Variants in CYB5R2 observed in about 807,000 individuals in gnomAD.
CYB5R2 encodes cytochrome b5 reductase 2.
In CYB5R2, 35 loss-of-function variants were observed where a neutral mutation model predicts 29.8. The ratio of observed to expected loss-of-function variants is 1.17; its 90% CI spans 0.90 to 1.56. CYB5R2 has a LOEUF of 1.56. Ranked by LOEUF, CYB5R2 falls within the 40% of genes most tolerant of loss-of-function variation. The pLI, the probability that CYB5R2 is intolerant of heterozygous loss-of-function variation, is 0.00. For missense variants in CYB5R2, 419 were observed against 346.7 expected (o/e 1.21, Z -1.66); for synonymous variants, 169 against 130.6 (o/e 1.29, Z -2.01).
At chr11:7,668,753 A>G in intron 5 of CYB5R2, 192 bp from the exon 6 acceptor site, 6 of 629,428 alleles carry the variant, frequency 9.5e-6, no homozygotes, top group Non-Finnish European at 2.8e-6. Flanking sequence ...AAGTGGGAAT[A>G]GAGCCTGGGC....
rs1162486135 is a variant in CYB5R2, at chr11:7,672,492, A to G, written c.110T>C (p.Phe37Ser). Residue 37 changes from phenylalanine (F) to serine (S), a missense_variant, in exon 3 of 9, where the codon TTT (phenylalanine) becomes TCT (serine). Physicochemically the swap from Phe to Ser is radical, Grantham distance 155. Transcript: ENST00000299498. Reference sequence around the variant, plus strand: ...GACATGGTCCGGCGAAGGCAGTCCAAAGCGGAACCTCCGGGTGTTGTGGCT... The same window carrying G: ...GACATGGTCCGGCGAAGGCAGTCCAGAGCGGAACCTCCGGGTGTTGTGGCT... ...KISHNTRRFR[F>S]GLPSPDHVLG... is the part of the protein sequence containing the mutation. 1.9e-6 allele frequency: 3 copies of G among 1,614,222 alleles called. No individual in the cohort carries two copies. Among genetic ancestry groups the G allele is most frequent in the Non-Finnish European group, 2.5e-6 (3 of 1,180,022 alleles).
Position 7,668,557 on chromosome 11 carries a change from A to T in CYB5R2, c.393T>A (p.Asn131Lys), listed in dbSNP as rs762966544. 2.5e-6 allele frequency: 4 copies of T among 1,612,708 alleles called. No individual in the cohort carries two copies. The highest frequency in any genetic ancestry group is 3.4e-6 in the Non-Finnish European group (4 of 1,178,874). Reference sequence around the variant, plus strand: ...TCGTCTGGTCTGGTCTGATTCCAAGATTCCCTGGAAACACAGAGAATGCTT... The same window carrying T: ...TCGTCTGGTCTGGTCTGATTCCAAGTTTCCCTGGAAACACAGAGAATGCTT... The part of the protein sequence containing the change: ...RGRLFYHGPG[N>K]LGIRPDQTSE... Residue 131 changes from asparagine (N) to lysine (K), a missense_variant, in exon 6 of 9, where the codon AAT becomes AAA. Physicochemically the swap from Asn to Lys is moderately conservative, Grantham distance 94. Transcript: ENST00000299498.
chr11:7,671,303 A>G (rs1420484011), intron 3 of CYB5R2: 1 of 152,354 alleles, frequency 6.6e-6, no homozygotes, highest in East Asian at 1.9e-4. Context: ...TTCAAGCCCC[A>G]TCTCTAACTT....
upstream of CYB5R2, chr11:7,673,597 C>T (rs1400854953): frequency 1.0e-6 from 1 of 985,364 alleles, no homozygotes; most frequent in Non-Finnish European, 1.2e-6. Flanking sequence ...CCCCAACCTC[C>T]CGGTCGGACG....
chr11:7,672,989 G>A (rs892186202), intron 1 of CYB5R2, 98 bp from the exon 2 acceptor site: 2 of 1,195,146 alleles, frequency 1.7e-6, no homozygotes, highest in Admixed American at 2.1e-5. Flanking sequence ...AAAGGCACAG[G>A]AGCTGAGCTC....
intron 8 of CYB5R2, chr11:7,665,800 G>C: frequency 5.3e-6 from 8 of 1,502,900 alleles, no homozygotes; most frequent in Non-Finnish European, 7.1e-6. Flanking sequence ...CAGCATTGAC[G>C]AGGAAGGAGA....
In CYB5R2 at chr11:7,665,929, C is replaced by A. The variant is rs112446452; in HGVS notation, c.659-383G>T. On this transcript the variant is annotated intron_variant, in intron 8 of 8. Coordinates refer to ENST00000299498, the MANE Select transcript of CYB5R2 (RefSeq NM_016229.5). Reference sequence around the variant, plus strand: ...TGCTCAGTAGGGTAGCGCCCTCTGCCGACCAGGGACCTGTATGACAAGCAG... The same window carrying A: ...TGCTCAGTAGGGTAGCGCCCTCTGCAGACCAGGGACCTGTATGACAAGCAG... 9.1e-6 allele frequency: 14 copies of A among 1,535,766 alleles called. No individual in the cohort carries two copies. The African/African-American group carries it at 1.5e-4, about 17-fold the overall frequency.
At chr11:7,669,779 TA>T in intron 3 of CYB5R2, 48 bp from the exon 4 acceptor site, 2 of 1,359,010 alleles carry the variant, frequency 1.5e-6, no homozygotes, top group Non-Finnish European at 2.1e-6. Flanking sequence ...TTAGCTTAAA[TA>T]AGGCCCAGGA....
chr11:7,669,056 A>G (rs1855548358), intron 5 of CYB5R2, 149 bp downstream of exon 5: 1 of 993,150 alleles, frequency 1.0e-6, no homozygotes, highest in East Asian at 2.5e-5. Flanking sequence ...TGAATGTGTA[A>G]CAAGTGTGAT....
intron 3 of CYB5R2, chr11:7,672,217 C>A: frequency 2.0e-6 from 1 of 507,828 alleles, no homozygotes; most frequent in Admixed American, 3.4e-5. Flanking sequence ...AGGTTCAGTT[C>A]TTTTCAATGC....
At chr11:7,673,612 T>G (rs957893847), upstream of CYB5R2, 22 of 985,356 alleles carry the variant, frequency 2.2e-5, no homozygotes, top group African/African-American at 3.7e-4. Flanking sequence ...CGGACGTTCG[T>G]TCCCGGCTCT....
At chr11:7,673,232 C>T (rs1565158559) in intron 1 of CYB5R2, 187 bp downstream of exon 1, 1 of 471,842 alleles carries the variant, frequency 2.1e-6, no homozygotes, top group South Asian at 3.1e-5. Context: ...AGGGGGAGGA[C>T]ATCACCCCTA....
chr11:7,672,968 C>T (rs1247902154), intron 1 of CYB5R2, 77 bp from the exon 2 acceptor site: 1 of 1,372,950 alleles, frequency 7.3e-7, no homozygotes, highest in Non-Finnish European at 1.0e-6. Flanking sequence ...GCAGAACACC[C>T]TCCCCACACC....
At chr11:7,674,106 GCTTA>G, upstream of CYB5R2, 2 of 1,205,982 alleles carry the variant, frequency 1.7e-6, no homozygotes, top group Non-Finnish European at 2.1e-6. Context: ...GCGCCCCTCA[GCTTA>G]CTTAAGCTCG....
chr11:7,665,991 G>C (rs1469210530), intron 8 of CYB5R2: 17 of 1,317,642 alleles, frequency 1.3e-5, no homozygotes, highest in Non-Finnish European at 1.7e-5. Flanking sequence ...GCGCCTGTGG[G>C]GTGCTCTGTG....
chr11:7,674,234 C>T (rs987612453), upstream of CYB5R2: 3 of 1,287,262 alleles, frequency 2.3e-6, no homozygotes, highest in Middle Eastern at 2.2e-4. Flanking sequence ...ACCTCATGGG[C>T]GCCTACCCTG....
intron 5 of CYB5R2, chr11:7,668,904 G>A (rs1375202623): frequency 5.1e-6 from 3 of 586,910 alleles, no homozygotes; most frequent in Admixed American, 2.6e-5. Flanking sequence ...CAAGGAGCAT[G>A]GACTCCCTCC....
At chr11:7,673,650 T>G (rs1855900870), upstream of CYB5R2, 1 of 985,318 alleles carries the variant, frequency 1.0e-6, no homozygotes, top group African/African-American at 1.7e-5. Context: ...CTGGCCTCTT[T>G]CCTTCCGGCC....
chr11:7,666,372 C>A, intron 8 of CYB5R2, 79 bp downstream of exon 8: 2 of 924,558 alleles, frequency 2.2e-6, no homozygotes, highest in Admixed American at 1.9e-5. Flanking sequence ...TAAAACAAAA[C>A]AAAGAGACAG....
Sources: allele counts gnomAD v4.1 joint callset, GRCh38; gene constraint gnomAD v4.1.1; transcripts MANE v1.5; gene names NCBI Gene and HGNC (gene_info 2026-07-23, HGNC 2026-07-21).